The following ERBIN variants were observed in gnomAD, a reference collection of about 807,000 sequenced individuals.
The protein encoded by ERBIN is densin-180-like protein.
Under a neutral mutation model 158.4 loss-of-function variants are expected in ERBIN, and 60 were observed. The observed-to-expected ratio is 0.38, with a 90% CI of 0.31 to 0.47. The LOEUF is 0.47. ERBIN is among the 20% of genes least tolerant of loss of function. The probability of loss-of-function intolerance (pLI) is 0.99; values close to 1 mark genes in which losing one functional copy is unlikely to be tolerated. For synonymous variants in ERBIN, 594 were observed against 557.2 expected (o/e 1.07, Z -0.93); for missense variants, 1,610 against 1,648.0 (o/e 0.98, Z 0.40).
At position 65,930,837 on chromosome 5, in the gene ERBIN, G is replaced by A. The variant is rs140744232; in HGVS notation, c.-58+4031G>A. Among the ~76,000 whole-genome samples the A allele has an allele frequency of 3.0e-3, 461 of 152,194 alleles. 2 individuals are homozygous for A. The highest frequency in any genetic ancestry group is 7.9e-3 in the African/African-American group (330 of 41,510). On this transcript the variant is annotated intron_variant, in intron 1 of 25. Transcript: ENST00000284037. The stretch of plus-strand genomic sequence containing the variant: ...TTCTGTCCTACCTTTCAAGTTAGAT[G>A]TCTTCTCTGACACAGAATCCCTAAA...
chr5:66,059,656 A>G (rs1435334862), intron 21 of ERBIN, among the ~76,000 whole-genome samples: 1 of 152,184 alleles, frequency 6.6e-6, no homozygotes, highest in Non-Finnish European at 1.5e-5. Flanking sequence ...TCCATTCAGT[A>G]TGATATTGGC....
chr5:65,952,490 G>A (rs1176510808), intron 1 of ERBIN, among the ~76,000 whole-genome samples: 1 of 151,986 alleles, frequency 6.6e-6, no homozygotes, highest in East Asian at 1.9e-4. Context: ...CTGCCAAGTA[G>A]CTGTGATTAT....
intron 1 of ERBIN, among the ~76,000 whole-genome samples, chr5:65,944,814 T>C (rs1426687801): frequency 6.6e-6 from 1 of 152,192 alleles, no homozygotes; most frequent in African/African-American, 2.4e-5. Context: ...GTTCTTTGTT[T>C]TTGAGTTGGG....
chr5:65,975,452 C>T (rs1749749823), intron 1 of ERBIN, among the ~76,000 whole-genome samples: 1 of 151,846 alleles, frequency 6.6e-6, no homozygotes. Context: ...ATTATGGGTG[C>T]CCGGCATCAC....
intron 1 of ERBIN, among the ~76,000 whole-genome samples, chr5:65,987,933 T>C (rs147585297): frequency 1.3e-5 from 2 of 152,146 alleles, no homozygotes; most frequent in African/African-American, 2.4e-5. Flanking sequence ...ATTACTAAAA[T>C]ATAATTGGCC....
chr5:66,053,997 G>A lies in ERBIN; in HGVS notation c.2679G>A (p.Gln893=), dbSNP rs1759321328. The change falls in exon 21 of 26, where the codon CAG becomes CAA. Residue 893 remains glutamine, a synonymous_variant. Coordinates refer to ENST00000284037, the MANE Select transcript of ERBIN (RefSeq NM_001253697.2). ...IYDILSDNGP[Q]QPSTTVKITS... ...ATATTCTTAGTGATAATGGACCTCA[G>A]CAGCCAAGTACAACCGTTAAAATCA... is the stretch of plus-strand genomic sequence containing the variant. The A allele has an allele frequency of 6.2e-7, 1 of 1,614,002 alleles. No homozygotes were observed.
intron 17 of ERBIN, among the ~76,000 whole-genome samples, chr5:66,044,777 T>TA (rs1216397548): frequency 7.3e-5 from 11 of 150,700 alleles, no homozygotes; most frequent in Admixed American, 6.6e-4. Flanking sequence ...AAACAAAAAA[T>TA]AAGAGTATAA....
At chr5:66,032,064 T>C (rs16894751) in intron 14 of ERBIN, among the ~76,000 whole-genome samples, 1,803 of 152,102 alleles carry the variant, frequency 0.012, 39 homozygotes, top group African/African-American at 0.041. Flanking sequence ...AAGAATATCA[T>C]GAGCATAAGC....
intron 4 of ERBIN, among the ~76,000 whole-genome samples, chr5:65,996,646 T>C (rs1752476989): frequency 6.6e-6 from 1 of 152,130 alleles, no homozygotes; most frequent in Non-Finnish European, 1.5e-5. Context: ...AATCATAGGA[T>C]TTTTCTTTTT....
At chr5:66,039,187 A>G (rs999857001) in intron 15 of ERBIN, among the ~76,000 whole-genome samples, 4 of 151,988 alleles carry the variant, frequency 2.6e-5, no homozygotes, top group African/African-American at 9.7e-5. Flanking sequence ...AGTCATTTCA[A>G]TCATAAGTCT....
intron 2 of ERBIN, among the ~76,000 whole-genome samples, chr5:65,989,503 A>G (rs558959190): frequency 8.5e-5 from 13 of 152,286 alleles, no homozygotes; most frequent in African/African-American, 3.1e-4. Context: ...GCCCAATCTA[A>G]TCTTTCTTTT....
In ERBIN at chr5:66,056,539, G is replaced by A. The variant is rs1271995203; in HGVS notation, c.3633+1588G>A. Among the ~76,000 whole-genome samples the A allele has an allele frequency of 4.0e-5, 6 of 151,720 alleles. No individual in the cohort carries two copies. The East Asian group carries it at 7.7e-4, about 20-fold the overall frequency. On this transcript the variant is annotated intron_variant, in intron 21 of 25. Coordinates refer to ENST00000284037, the MANE Select transcript of ERBIN (RefSeq NM_001253697.2). ...ATCTCATTGTTCAGTGTGCCAATCCGCTTTTTTTTTTAATTGCCTGAAATA... is the reference window on the plus strand; with the variant it reads ...ATCTCATTGTTCAGTGTGCCAATCCACTTTTTTTTTTAATTGCCTGAAATA...
chr5:65,930,213 GATCTT>G (rs1322870471), intron 1 of ERBIN, among the ~76,000 whole-genome samples: 1 of 152,130 alleles, frequency 6.6e-6, no homozygotes, highest in Non-Finnish European at 1.5e-5. Context: ...AAGTTTATCT[GATCTT>G]ATTTTATTAG....
In ERBIN at chr5:65,979,623, G is replaced by A. The variant is rs867113952; in HGVS notation, c.-57-9012G>A. On this transcript the variant is annotated intron_variant, in intron 1 of 25. Coordinates refer to ENST00000284037, the MANE Select transcript of ERBIN (RefSeq NM_001253697.2). ...TGGCAGGATAATATATGGGGGATTGGGTATTTTCAGGTGAGTAATGGACAT... is the reference window on the plus strand; with the variant it reads ...TGGCAGGATAATATATGGGGGATTGAGTATTTTCAGGTGAGTAATGGACAT... Among the ~76,000 whole-genome samples, 6 of 152,072 alleles carry A rather than the reference G, an allele frequency of 3.9e-5. No homozygotes were observed. In the South Asian group the frequency reaches 6.2e-4, roughly 16 times the overall value.
intron 1 of ERBIN, among the ~76,000 whole-genome samples, chr5:65,945,637 A>T (rs902960916): frequency 6.6e-6 from 1 of 152,192 alleles, no homozygotes; most frequent in Non-Finnish European, 1.5e-5. Context: ...TTAAATATAT[A>T]AACTATTTTA....
chr5:65,996,193 C>G (rs1189450931), intron 4 of ERBIN, among the ~76,000 whole-genome samples: 1 of 148,358 alleles, frequency 6.7e-6, no homozygotes, highest in Non-Finnish European at 1.5e-5. Flanking sequence ...ATAGCCATTG[C>G]CAGGCTCCAG....
At chr5:66,018,506 T>TTATAATATATAA (rs1755150450) in intron 7 of ERBIN, among the ~76,000 whole-genome samples, 1 of 5,594 alleles carries the variant, frequency 1.8e-4, no homozygotes, top group Non-Finnish European at 3.6e-4. Context: ...ATAATATATA[T>TTATAATATATAA]TATATATTAT....
intron 14 of ERBIN, among the ~76,000 whole-genome samples, chr5:66,034,878 A>G (rs1375229249): frequency 2.0e-5 from 3 of 152,304 alleles, no homozygotes; most frequent in Admixed American, 6.5e-5. Context: ...GTTTGTGGCA[A>G]GAAAGTGGTT....
rs570587138 is a variant in ERBIN, at chr5:66,034,565, G to A, written c.1207-3818G>A. ...GCCTCCCAAAGTGCTGGGATTACAG[G>A]CGTGAGCCACCAAGCACAACCTCAT... On this transcript the variant is annotated intron_variant, in intron 14 of 25. Transcript: ENST00000284037. 2.6e-5 allele frequency among the ~76,000 whole-genome samples: 4 copies of A among 151,668 alleles called. No homozygotes were observed. In the East Asian group the frequency reaches 7.7e-4, roughly 29 times the overall value.
Sources: gnomAD v4.1 joint callset for allele counts (sites outside exome capture counted in the v4.1 genomes callset) on GRCh38, gnomAD v4.1.1 for gene constraint, MANE v1.5 for transcripts, NCBI Gene and HGNC (gene_info 2026-07-23, HGNC 2026-07-21) for gene names.